Variants in UNC13B observed in about 807,000 individuals in gnomAD.
UNC13B encodes protein unc-13 homolog B.
Under a neutral mutation model 211.0 loss-of-function variants are expected in UNC13B, and 144 were observed. That is an observed-to-expected ratio of 0.68 (90% CI 0.60 to 0.78). The LOEUF is 0.78. Ranked by LOEUF, UNC13B falls within the 30% of genes least tolerant of loss-of-function variation. The pLI, the probability that UNC13B is intolerant of heterozygous loss-of-function variation, is 0.00. For missense variants in UNC13B, 1,777 were observed against 2,002.0 expected, an observed-to-expected ratio of 0.89 and a Z score of 2.14; for synonymous variants, 709 against 725.8, an observed-to-expected ratio of 0.98 and a Z score of 0.37.
At chr9:35,243,714 T>C (rs780766439) in intron 6 of UNC13B, among the ~76,000 whole-genome samples, 12 of 152,142 alleles carry the variant, frequency 7.9e-5, no homozygotes, top group Non-Finnish European at 1.8e-4. Context: ...CTTATTTGTG[T>C]CCTGTTTTTG....
At chr9:35,196,371 C>G (rs777538316) in intron 1 of UNC13B, among the ~76,000 whole-genome samples, 2 of 152,208 alleles carry the variant, frequency 1.3e-5, no homozygotes, top group Non-Finnish European at 2.9e-5. Context: ...CCTGAGGAAC[C>G]AGGTCACTGG....
chr9:35,237,727 T>C lies in UNC13B; in HGVS notation c.295T>C (p.Leu99=). The C allele has an allele frequency of 6.2e-7, 1 of 1,613,890 alleles. No individual in the cohort carries two copies. The highest frequency in any genetic ancestry group is 1.1e-5 in the South Asian group (1 of 91,004). The change falls in exon 5 of 40, where the codon TTA becomes CTA. Residue 99 remains leucine (L), a synonymous_variant. Coordinates refer to ENST00000635942, the MANE Select transcript of UNC13B (RefSeq NM_001371189.2). ...GGAAGGGCCTGGGGAATGGTCCACA[T>C]TAGAGGCAGAGACGTTAATGAAAGA... ...DEEGPGEWST[L]EAETLMKDDE...
intron 1 of UNC13B, among the ~76,000 whole-genome samples, chr9:35,207,382 C>A (rs1274028260): frequency 6.6e-6 from 1 of 151,956 alleles, no homozygotes; most frequent in East Asian, 1.9e-4. Context: ...ACTCCAGTCT[C>A]CTGAGTAGCT....
In UNC13B at chr9:35,385,751, C is replaced by T. The variant is rs766330600; in HGVS notation, c.10903C>T (p.Arg3635Trp). The change falls in exon 23 of 40, where the codon CGG becomes TGG. Residue 3635 changes from arginine to tryptophan, a missense_variant. Physicochemically the swap from Arg to Trp is moderately radical, Grantham distance 101 (BLOSUM62 -3). Coordinates refer to ENST00000635942, the MANE Select transcript of UNC13B (RefSeq NM_001371189.2). ...RNNFPAGSPE[R>W]LQDLKSTVDL... Reference sequence around the variant, plus strand: ...TAATTTCCCTGCTGGGAGTCCTGAACGGCTTCAGGACTTAAAATCCACAGT... The same window carrying T: ...TAATTTCCCTGCTGGGAGTCCTGAATGGCTTCAGGACTTAAAATCCACAGT... 1.0e-5 allele frequency: 16 copies of T among 1,607,828 alleles called. No individual in the cohort carries two copies. Among genetic ancestry groups the T allele is most frequent in the East Asian group, 6.7e-5 (3 of 44,736 alleles).
At chr9:35,400,223 C>T (rs1836203618) in intron 36 of UNC13B, 73 bp from the exon 37 acceptor site, 3 of 1,572,310 alleles carry the variant, frequency 1.9e-6, no homozygotes, top group South Asian at 1.2e-5. Context: ...CTTCTTGCTT[C>T]TCTGAGGACA....
intron 6 of UNC13B, among the ~76,000 whole-genome samples, chr9:35,254,350 C>A (rs7871103): frequency 0.025 from 3,857 of 152,182 alleles, 148 homozygotes; most frequent in African/African-American, 0.089. Context: ...TGGTGAGGGC[C>A]CATTTCCTGG....
intron 1 of UNC13B, among the ~76,000 whole-genome samples, chr9:35,222,539 T>C (rs1307612795): frequency 6.6e-6 from 1 of 152,196 alleles, no homozygotes; most frequent in Non-Finnish European, 1.5e-5. Flanking sequence ...TTCATGCTTG[T>C]ATACCATCTT....
intron 7 of UNC13B, among the ~76,000 whole-genome samples, chr9:35,291,283 T>C (rs1049294507): frequency 6.6e-6 from 1 of 152,238 alleles, no homozygotes; most frequent in African/African-American, 2.4e-5. Flanking sequence ...GCTGGTTTCT[T>C]GACGACTTTG....
chr9:35,241,407 A>G (rs1319535837), intron 5 of UNC13B, among the ~76,000 whole-genome samples: 2 of 152,084 alleles, frequency 1.3e-5, no homozygotes, highest in African/African-American at 2.4e-5. Flanking sequence ...TCTTCTTAAA[A>G]CTATTTTTGT....
Position 35,307,675 on chromosome 9 carries a change from G to A in UNC13B, c.8271G>A (p.Glu2757=), listed in dbSNP as rs139587881. The change falls in exon 9 of 40, where the codon GAG becomes GAA. Residue 2757 remains glutamate, a synonymous_variant. Transcript: ENST00000635942. ...KDPPVVPQET[E]QSRPRFEIPN... is the part of the protein sequence containing the mutation. The stretch of plus-strand genomic sequence containing the variant: ...CACCTGTAGTACCCCAGGAAACAGA[G>A]CAGTCAAGACCACGTTTTGAGATCC... 441 of 399,064 alleles carry A rather than the reference G, an allele frequency of 1.1e-3. 3 individuals carry two copies. Among genetic ancestry groups the A allele is most frequent in the African/African-American group, 6.7e-3 (328 of 48,724 alleles). The allele number at this position is 399,064 out of a possible 1,614,324, so 24.7% of individuals were successfully genotyped here.
At chr9:35,242,055 C>T (rs992578003) in intron 5 of UNC13B, among the ~76,000 whole-genome samples, 1 of 152,116 alleles carries the variant, frequency 6.6e-6, no homozygotes, top group Non-Finnish European at 1.5e-5. Flanking sequence ...GAGTGTTTCT[C>T]TTCAGTGCTG....
At chr9:35,163,443 T>A (rs1167032784) in intron 1 of UNC13B, among the ~76,000 whole-genome samples, 2 of 152,250 alleles carry the variant, frequency 1.3e-5, no homozygotes, top group Admixed American at 6.5e-5. Flanking sequence ...ATTTGGCCAT[T>A]TCCCGGGATT....
intron 1 of UNC13B, among the ~76,000 whole-genome samples, chr9:35,186,753 G>C (rs780347325): frequency 2.0e-5 from 3 of 151,990 alleles, no homozygotes; most frequent in African/African-American, 7.3e-5. Context: ...GGGAAGGCTG[G>C]CCACCTCACC....
At position 35,310,460 on chromosome 9, in the gene UNC13B, C is replaced by A. The variant is rs1278611020; in HGVS notation, c.9009-7C>A. ...TTTACTTATCTGTCTTTCTGTCATT[C>A]TCACAGCCCCACCAGCAGCAGTAGG... On this transcript the variant is annotated splice_polypyrimidine_tract_variant and splice_region_variant and intron_variant, in intron 9 of 39. Coordinates refer to ENST00000635942, the MANE Select transcript of UNC13B (RefSeq NM_001371189.2). 1.2e-6 allele frequency: 2 copies of A among 1,611,342 alleles called. No individual in the cohort carries two copies. The highest frequency in any genetic ancestry group is 2.7e-5 in the African/African-American group (2 of 74,856).
chr9:35,360,959 A>AT (rs1464821231), intron 11 of UNC13B: 2 of 152,250 alleles, frequency 1.3e-5, no homozygotes, highest in African/African-American at 4.8e-5. Flanking sequence ...GATTATAGGC[A>AT]TGAGCCACCA....
At chr9:35,392,572 C>T (rs911939329) in intron 26 of UNC13B, among the ~76,000 whole-genome samples, 1 of 141,684 alleles carries the variant, frequency 7.1e-6, no homozygotes, top group African/African-American at 2.7e-5. Flanking sequence ...TATTCTCACT[C>T]ATAGGTGGGA....
rs570643120 is a variant in UNC13B at position 35,249,415 on chromosome 9, G to T, written c.468+6051G>T. 4.6e-3 allele frequency among the ~76,000 whole-genome samples: 694 copies of T among 152,200 alleles called. 3 individuals carry two copies. Among genetic ancestry groups the T allele is most frequent in the Non-Finnish European group, 8.0e-3 (541 of 68,004 alleles). On this transcript the variant is annotated intron_variant, in intron 6 of 39. Transcript: ENST00000635942. ...CTGTCATTATGATGTTAGCTGGTTA[G>T]TTTGCTCGTTAGTTGATGCAGTTTC...
chr9:35,384,691 T>G (rs1835075610), intron 22 of UNC13B: 1 of 985,350 alleles, frequency 1.0e-6, no homozygotes, highest in Non-Finnish European at 1.2e-6. Context: ...CTCCTCGTTT[T>G]CCAGCGGAGG....
intron 1 of UNC13B, among the ~76,000 whole-genome samples, chr9:35,217,877 CTAT>C (rs1564074040): frequency 1.3e-5 from 2 of 152,138 alleles, no homozygotes; most frequent in African/African-American, 4.8e-5. Context: ...GACCTTGTCT[CTAT>C]AAAAAATAAA....
Sources: allele counts gnomAD v4.1 joint callset (sites outside exome capture counted in the v4.1 genomes callset), GRCh38; gene constraint gnomAD v4.1.1; transcripts MANE v1.5; gene names NCBI Gene and HGNC (gene_info 2026-07-23, HGNC 2026-07-21).